LMO7: variants seen among roughly 807,000 people sequenced by gnomAD.
The protein encoded by LMO7 is LIM domain 7.
In LMO7, 120 loss-of-function variants were observed where a neutral mutation model predicts 206.5. That is an observed-to-expected ratio of 0.58 (90% CI 0.50 to 0.68). The LOEUF is 0.68. Among genes scored for constraint, LMO7 ranks in the 30% least tolerant of loss-of-function variants. The probability of loss-of-function intolerance (pLI) is 0.00; values close to 1 mark genes in which losing one functional copy is unlikely to be tolerated. For synonymous variants in LMO7, 706 were observed against 681.5 expected, an observed-to-expected ratio of 1.04 and a Z score of -0.56; for missense variants, 1,959 against 1,957.9, an observed-to-expected ratio of 1.00 and a Z score of -0.01.
At chr13:75,722,185 A>G (rs921278462) in intron 2 of LMO7, among the ~76,000 whole-genome samples, 7 of 152,320 alleles carry the variant, frequency 4.6e-5, no homozygotes, top group Middle Eastern at 3.4e-3. Flanking sequence ...AGCAAATCCA[A>G]CAAAGATAAA....
In LMO7 at chr13:75,823,615, T is replaced by G; in HGVS notation, c.2691T>G (p.Thr897=). 6.2e-7 allele frequency: 1 copy of G among 1,614,094 alleles called. No individual in the cohort carries two copies. Among genetic ancestry groups the G allele is most frequent in the South Asian group, 1.1e-5 (1 of 91,078 alleles). ...GAGATGTTGAAGACATTAAGAGAACTCCAAACAATGTGGTCAGCACCCCTG... is the reference window on the plus strand; with the variant it reads ...GAGATGTTGAAGACATTAAGAGAACGCCAAACAATGTGGTCAGCACCCCTG... ...YNGDVEDIKR[T]PNNVVSTPAP... Residue 897 remains threonine, a synonymous_variant, in exon 15 of 31, where the codon ACT becomes ACG. Coordinates refer to ENST00000377534, the MANE Select transcript of LMO7 (RefSeq NM_001306080.2).
intron 4 of LMO7, among the ~76,000 whole-genome samples, chr13:75,767,364 A>G (rs189364870): frequency 7.9e-4 from 120 of 152,148 alleles, no homozygotes; most frequent in Non-Finnish European, 1.9e-4. Flanking sequence ...GGTAGTTGTA[A>G]TATCTTGGTA....
intron 1 of LMO7, among the ~76,000 whole-genome samples, chr13:75,655,976 C>A (rs1186184544): frequency 6.6e-6 from 1 of 152,062 alleles, no homozygotes; most frequent in African/African-American, 2.4e-5. Flanking sequence ...AGTCCTTGTC[C>A]CATCTTGAGA....
intron 25 of LMO7, among the ~76,000 whole-genome samples, chr13:75,844,900 G>T (rs1398813526): frequency 6.6e-6 from 1 of 152,178 alleles, no homozygotes; most frequent in Non-Finnish European, 1.5e-5. Context: ...GTAGTCAGTG[G>T]CACTCTAATG....
Position 75,800,699 on chromosome 13 carries a change from AG to A in LMO7, c.479del (p.Ser160ThrfsTer3). ...TTTTCTTTAGGCACTCGAAGACTCC[AG>A]CTTCCTGAAAAGAAGTGGCAGGGAC... Reference protein sequence around the residue: ...QALTKALEDSSFLKRSGRDSG... With the variant: ...QALTKALEDSXFLKRSGRDSG... On this transcript the variant is annotated frameshift_variant, in exon 7 of 31. Coordinates refer to ENST00000377534, the MANE Select transcript of LMO7 (RefSeq NM_001306080.2). LOFTEE classifies it high-confidence loss of function. 5.0e-6 allele frequency: 8 copies of A among 1,614,140 alleles called. No homozygotes were observed. Among genetic ancestry groups the A allele is most frequent in the Non-Finnish European group, 6.8e-6 (8 of 1,179,976 alleles).
intron 4 of LMO7, among the ~76,000 whole-genome samples, chr13:75,794,998 GT>G (rs1419132466): frequency 4.0e-5 from 6 of 151,814 alleles, no homozygotes; most frequent in Non-Finnish European, 7.4e-5. Context: ...TGTTTTTAAG[GT>G]TTTTTTCCCC....
chr13:75,664,606 A>G (rs2038931386), intron 1 of LMO7, among the ~76,000 whole-genome samples: 1 of 152,182 alleles, frequency 6.6e-6, no homozygotes, highest in African/African-American at 2.4e-5. Context: ...GGAACCACCA[A>G]ACTGTTCTCC....
At chr13:75,666,640 A>G (rs1435121357) in intron 1 of LMO7, among the ~76,000 whole-genome samples, 3 of 152,214 alleles carry the variant, frequency 2.0e-5, no homozygotes, top group Non-Finnish European at 4.4e-5. Flanking sequence ...ACCTATAGAT[A>G]ATTCCACATA....
At chr13:75,651,081 T>G (rs2037507614) in intron 1 of LMO7, among the ~76,000 whole-genome samples, 1 of 152,224 alleles carries the variant, frequency 6.6e-6, no homozygotes, top group Non-Finnish European at 1.5e-5. Flanking sequence ...TGGAAAATGC[T>G]TGTAAGTCTT....
chr13:75,692,247 T>C (rs538014009), intron 1 of LMO7, among the ~76,000 whole-genome samples: 1 of 152,318 alleles, frequency 6.6e-6, no homozygotes, highest in South Asian at 2.1e-4. Flanking sequence ...AGCTCCAGAC[T>C]ACCCAGGCCC....
At chr13:75,728,911 G>A (rs1227730343) in intron 3 of LMO7, among the ~76,000 whole-genome samples, 1 of 148,898 alleles carries the variant, frequency 6.7e-6, no homozygotes, top group Non-Finnish European at 1.5e-5. Flanking sequence ...GTTTTTCTCA[G>A]GTTTGTCAAA....
intron 2 of LMO7, among the ~76,000 whole-genome samples, chr13:75,715,980 T>A (rs9593121): frequency 0.014 from 2,182 of 152,326 alleles, 51 homozygotes; most frequent in African/African-American, 0.048. Context: ...GAAATATGAT[T>A]AGGATATTTT....
intron 27 of LMO7, among the ~76,000 whole-genome samples, chr13:75,851,140 C>T (rs1402946657): frequency 6.6e-6 from 1 of 152,194 alleles, no homozygotes; most frequent in Non-Finnish European, 1.5e-5. Context: ...ACCCCAGAGT[C>T]AGTGGGAGGG....
intron 3 of LMO7, 55 bp downstream of exon 3, chr13:75,727,153 G>C (rs2044550062): frequency 8.8e-7 from 1 of 1,140,090 alleles, no homozygotes; most frequent in Non-Finnish European, 1.3e-6. Flanking sequence ...AATGTAAAGA[G>C]GTGGGCATAG....
chr13:75,753,440 GTTGCCCGTGC>G (rs2047433187), intron 3 of LMO7, among the ~76,000 whole-genome samples: 1 of 152,030 alleles, frequency 6.6e-6, no homozygotes, highest in African/African-American at 2.4e-5. Flanking sequence ...TCTTGTTTTT[GTTGCCCGTGC>G]TTTTGAGGTC....
At chr13:75,854,146 G>A (rs1028460210) in intron 28 of LMO7, among the ~76,000 whole-genome samples, 1 of 152,118 alleles carries the variant, frequency 6.6e-6, no homozygotes, top group Non-Finnish European at 1.5e-5. Context: ...AGTATATGGG[G>A]CAGTGCTGCT....
At chr13:75,674,601 A>C (rs995731626) in intron 1 of LMO7, among the ~76,000 whole-genome samples, 12 of 152,242 alleles carry the variant, frequency 7.9e-5, no homozygotes, top group African/African-American at 2.9e-4. Flanking sequence ...TGTGTTGGGA[A>C]ACTCAAAGCA....
chr13:75,843,799 G>A (rs1485369983), intron 25 of LMO7, among the ~76,000 whole-genome samples: 1 of 152,150 alleles, frequency 6.6e-6, no homozygotes. Flanking sequence ...ATTACCTTGT[G>A]TTTTCAGAGC....
chr13:75,859,524 A>G lies in LMO7; in HGVS notation c.*1581A>G, dbSNP rs2061157366. 1.3e-5 allele frequency: 2 copies of G among 152,096 alleles called. No homozygotes were observed. The highest frequency in any genetic ancestry group is 4.8e-5 in the African/African-American group (2 of 41,468). 9.4% of individuals were successfully genotyped at this position (152,096 alleles called of 1,614,324 possible). A position where few individuals can be genotyped will look rare whatever the true frequency, so the allele number is the denominator to read the frequency against. On this transcript the variant is annotated 3_prime_UTR_variant, in exon 31 of 31. Transcript: ENST00000377534. The stretch of plus-strand genomic sequence containing the variant: ...TTAGTTGATAATTCCATTACTGTGT[A>G]TTTTTCACTTGTTTCTAAGATCAAA...
Sources: allele counts gnomAD v4.1 joint callset (sites outside exome capture counted in the v4.1 genomes callset), GRCh38; gene constraint gnomAD v4.1.1; transcripts MANE v1.5; gene names NCBI Gene and HGNC (gene_info 2026-07-23, HGNC 2026-07-21).